Variants in WASHC2A observed in about 807,000 individuals in gnomAD.
The protein encoded by WASHC2A is WASH complex subunit 2A.
WASHC2A carries 82 observed loss-of-function variants against 140.3 expected under a neutral mutation model. That is an observed-to-expected ratio of 0.58 (90% confidence interval 0.49 to 0.70). The LOEUF (loss-of-function observed/expected upper bound fraction) is 0.70, where lower values mean the gene tolerates loss of function less well. Ranked by LOEUF, WASHC2A falls within the 30% of genes least tolerant of loss-of-function variation. The probability of loss-of-function intolerance (pLI) is 0.00; values close to 1 mark genes in which losing one functional copy is unlikely to be tolerated. For missense variants in WASHC2A, 985 were observed against 1,521.8 expected, an observed-to-expected ratio of 0.65 and a Z score of 5.87; for synonymous variants, 340 against 560.8, an observed-to-expected ratio of 0.61 and a Z score of 5.56.
chr10:50,095,729 T>G lies in WASHC2A; in HGVS notation c.1371T>G (p.Asp457Glu). ...GCCTCTTTGATGATGATGATGGTGATGATGATGACGACTTTTTCTCGGCAC... is the reference window on the plus strand; with the variant it reads ...GCCTCTTTGATGATGATGATGGTGAGGATGATGACGACTTTTTCTCGGCAC... ...PTGLFDDDDGDDDDDFFSAPH... is the reference protein window; with the variant it reads ...PTGLFDDDDGEDDDDFFSAPH... Residue 457 changes from aspartate (D) to glutamate (E), a missense_variant, in exon 15 of 31, where the codon GAT becomes GAG. Transcript: ENST00000282633. 1 of 1,611,578 alleles carries G rather than the reference T, an allele frequency of 6.2e-7. No homozygotes were observed.
chr10:50,080,418 C>CT (rs1432524317), intron 4 of WASHC2A, among the ~76,000 whole-genome samples: 13 of 143,002 alleles, frequency 9.1e-5, no homozygotes, highest in African/African-American at 3.5e-4. Context: ...CATGGTGAGT[C>CT]TGAGAGTCTA....
chr10:50,112,187 C>A, intron 20 of WASHC2A: 1 of 980,400 alleles, frequency 1.0e-6, no homozygotes, highest in Non-Finnish European at 1.2e-6. Context: ...ACTACCCCCA[C>A]CCCACACAAG....
chr10:50,078,577 C>G (rs1554878832), intron 3 of WASHC2A, 98 bp from the exon 4 acceptor site: 2 of 1,611,298 alleles, frequency 1.2e-6, no homozygotes, highest in African/African-American at 1.3e-5. Flanking sequence ...CCATTTCCTT[C>G]CCCATCTTTG....
At chr10:50,109,933 C>G (rs1225676843) in intron 19 of WASHC2A, among the ~76,000 whole-genome samples, 168 bp from the exon 20 acceptor site, 2 of 151,570 alleles carry the variant, frequency 1.3e-5, no homozygotes, top group Non-Finnish European at 2.9e-5. Context: ...CCACGCCCGG[C>G]TAATTTTCTT....
Position 50,133,462 on chromosome 10 carries a change from C to A in WASHC2A, c.*517C>A. The A allele has an allele frequency of 2.1e-6, 1 of 469,908 alleles. No individual in the cohort carries two copies. Among genetic ancestry groups the A allele is most frequent in the Non-Finnish European group, 4.4e-6 (1 of 227,564 alleles). 29.1% of individuals were successfully genotyped at this position (469,908 alleles called of 1,614,324 possible). A position where few individuals can be genotyped will look rare whatever the true frequency, so the allele number is the denominator to read the frequency against. ...GGCAAAGTTTGGCAAACTGTGGCCC[C>A]CCCACTGTCATATTTTGTTAATAAA... On this transcript the variant is annotated 3_prime_UTR_variant, in exon 31 of 31. Transcript: ENST00000282633.
At chr10:50,132,766 ACC>A in intron 30 of WASHC2A, 38 bp from the exon 31 acceptor site, 1 of 1,611,800 alleles carries the variant, frequency 6.2e-7, no homozygotes, top group Non-Finnish European at 8.5e-7. Context: ...ACCTTTCTCC[ACC>A]CCTCTTCAGC....
chr10:50,121,597 TTGGCCACGCTGAC>T (rs1397519380), intron 23 of WASHC2A, among the ~76,000 whole-genome samples: 57 of 150,600 alleles, frequency 3.8e-4, no homozygotes, highest in Admixed American at 1.8e-3. Flanking sequence ...TTTCACCGTG[TTGGCCACGCTGAC>T]CTTGAACTCT....
intron 14 of WASHC2A, among the ~76,000 whole-genome samples, 181 bp downstream of exon 14, chr10:50,095,388 T>G (rs1212010310): frequency 6.6e-6 from 1 of 152,198 alleles, no homozygotes; most frequent in African/African-American, 2.4e-5. Context: ...TAGAGCTCAG[T>G]GGCCTTGGAC....
intron 30 of WASHC2A, among the ~76,000 whole-genome samples, chr10:50,131,713 T>C (rs1320731213): frequency 1.1e-3 from 171 of 152,328 alleles, no homozygotes; most frequent in African/African-American, 3.9e-3. Flanking sequence ...TCCCCATCAA[T>C]CTAGACCTTG....
chr10:50,082,483 A>AT (rs528898220), intron 5 of WASHC2A, among the ~76,000 whole-genome samples: 61 of 115,088 alleles, frequency 5.3e-4, no homozygotes, highest in East Asian at 9.2e-4. Flanking sequence ...TCTTGACCCT[A>AT]TTTTTTTTTT....
intron 23 of WASHC2A, among the ~76,000 whole-genome samples, chr10:50,124,093 T>TTTTTG (rs200416768): frequency 0.18 from 27,519 of 151,138 alleles, 3,061 homozygotes; most frequent in East Asian, 0.48. Flanking sequence ...TTTTTTGGTT[T>TTTTTG]TTTTGTTTTG....
chr10:50,100,503 A>T (rs1841015175), intron 17 of WASHC2A, among the ~76,000 whole-genome samples: 1 of 152,232 alleles, frequency 6.6e-6, no homozygotes, highest in Non-Finnish European at 1.5e-5. Context: ...ATGAATAAAA[A>T]ATAATCTCTT....
rs201432874 is a variant in WASHC2A, at chr10:50,078,685, A to G, written c.302A>G (p.Asp101Gly). 153 of 1,611,758 alleles carry G rather than the reference A, an allele frequency of 9.5e-5. No homozygotes were observed. Among genetic ancestry groups the G allele is most frequent in the Non-Finnish European group, 1.3e-5 (15 of 1,179,856 alleles). Reference protein sequence around the residue: ...NTQFIENRVYDEEVEEPVLKA... With the variant: ...NTQFIENRVYGEEVEEPVLKA... ...TGCTTCCATATTTAGCGTGTATATG[A>G]TGAAGAAGTGGAGGAGCCAGTACTC... Residue 101 changes from aspartate (D) to glycine (G), a missense_variant, in exon 4 of 31, where the codon GAT (aspartate) becomes GGT (glycine). By Grantham distance (94) the Asp-to-Gly change is moderately conservative (BLOSUM62 -1). Coordinates refer to ENST00000282633, the MANE Select transcript of WASHC2A (RefSeq NM_001005751.3).
chr10:50,110,245 G>A lies in WASHC2A; in HGVS notation c.2014G>A (p.Asp672Asn). The change falls in exon 20 of 31, where the codon GAT becomes AAT. Residue 672 changes from aspartate (D) to asparagine (N), a missense_variant. Transcript: ENST00000282633. ...TSLFEEDEED[D>N]LFAIAKDSQK... Reference sequence around the variant, plus strand: ...TCTCTTTGAGGAAGACGAAGAAGATGATCTTTTTGCCATTGCCAAGGACAG... The same window carrying A: ...TCTCTTTGAGGAAGACGAAGAAGATAATCTTTTTGCCATTGCCAAGGACAG... The A allele has an allele frequency of 3.7e-6, 6 of 1,611,896 alleles. No homozygotes were observed. The highest frequency in any genetic ancestry group is 5.1e-6 in the Non-Finnish European group (6 of 1,179,836).
intron 19 of WASHC2A, among the ~76,000 whole-genome samples, chr10:50,107,666 A>T (rs566419029): frequency 6.6e-6 from 1 of 152,056 alleles, no homozygotes; most frequent in Admixed American, 6.6e-5. Context: ...TCACGTCTGT[A>T]ATCCCAGCAC....
intron 3 of WASHC2A, among the ~76,000 whole-genome samples, chr10:50,071,369 G>A (rs1399645057): frequency 1.3e-5 from 2 of 150,190 alleles, no homozygotes; most frequent in East Asian, 2.0e-4. Flanking sequence ...GCAGTGGTGC[G>A]ATCTCCGCTC....
chr10:50,111,859 C>T (rs1842315865), intron 20 of WASHC2A, among the ~76,000 whole-genome samples: 3 of 152,100 alleles, frequency 2.0e-5, no homozygotes, highest in Admixed American at 2.0e-4. Flanking sequence ...GAAACCCCGT[C>T]TCTACTAAAA....
Position 50,114,687 on chromosome 10 carries a change from T to C in WASHC2A, c.2142+690T>C, listed in dbSNP as rs1439363765. Reference sequence around the variant, plus strand: ...GAAAGGTATGGAATGGGGAACTTCATACTCTCAATGCCTTTTTAAAGCCTT... The same window carrying C: ...GAAAGGTATGGAATGGGGAACTTCACACTCTCAATGCCTTTTTAAAGCCTT... On this transcript the variant is annotated intron_variant, in intron 21 of 30. Transcript: ENST00000282633. Among the ~76,000 whole-genome samples the C allele has an allele frequency of 1.5e-4, 10 of 68,620 alleles. No individual in the cohort carries two copies. In the East Asian group the frequency reaches 3.6e-3, roughly 24 times the overall value. 45.0% of individuals were successfully genotyped at this position (68,620 alleles called of 152,430 possible).
chr10:50,130,043 A>T lies in WASHC2A; in HGVS notation c.3708+4A>T. ...AACAACACAAGATATTTTTGAGGTA[A>T]TAGGACTTAACACGTTTTTGTGTCT... On this transcript the variant is annotated splice_donor_region_variant and intron_variant, in intron 29 of 30. Coordinates refer to ENST00000282633, the MANE Select transcript of WASHC2A (RefSeq NM_001005751.3). The T allele has an allele frequency of 1.2e-6, 2 of 1,611,918 alleles. No individual in the cohort carries two copies. The highest frequency in any genetic ancestry group is 2.2e-5 in the South Asian group (2 of 90,968).
Sources: allele counts gnomAD v4.1 joint callset (sites outside exome capture counted in the v4.1 genomes callset), GRCh38; gene constraint gnomAD v4.1.1; transcripts MANE v1.5; gene names NCBI Gene and HGNC (gene_info 2026-07-23, HGNC 2026-07-21).